The following DGKB variants were observed in gnomAD, a reference collection of about 807,000 sequenced individuals.
DGKB encodes the protein diacylglycerol kinase beta.
A neutral mutation model predicts 114.3 loss-of-function variants in DGKB; 67 were observed. The observed-to-expected ratio is 0.59, with a 90% CI of 0.48 to 0.72. DGKB has a LOEUF of 0.72. DGKB is among the 30% of genes least tolerant of loss of function. The pLI is 0.00. For missense variants in DGKB, 907 were observed against 975.2 expected, an observed-to-expected ratio of 0.93 and a Z score of 0.93; for synonymous variants, 398 against 323.1, an observed-to-expected ratio of 1.23 and a Z score of -2.49.
intron 23 of DGKB, among the ~76,000 whole-genome samples, chr7:14,225,900 A>C (rs1284698070): frequency 6.6e-6 from 1 of 151,970 alleles, no homozygotes; most frequent in African/African-American, 2.4e-5. Flanking sequence ...AGACCATTTA[A>C]TTTTATAATT....
intron 23 of DGKB, among the ~76,000 whole-genome samples, chr7:14,246,015 G>C (rs558772180): frequency 3.3e-5 from 5 of 152,272 alleles, no homozygotes; most frequent in African/African-American, 1.2e-4. Context: ...AGAATTATTT[G>C]ACAGTTATTT....
At chr7:14,340,195 C>CT (rs1811383474) in intron 22 of DGKB, among the ~76,000 whole-genome samples, 1 of 98,680 alleles carries the variant, frequency 1.0e-5, no homozygotes, top group Non-Finnish European at 2.0e-5. Context: ...GAAAGCAGTG[C>CT]TTTTTTCCTC....
intron 23 of DGKB, chr7:14,209,411 G>C (rs1370901398): frequency 2.1e-6 from 1 of 469,346 alleles, no homozygotes; most frequent in Non-Finnish European, 4.4e-6. Context: ...AAAACATTTG[G>C]ATGCCCTTTC....
At chr7:14,594,975 T>A (rs10261616) in intron 17 of DGKB, among the ~76,000 whole-genome samples, 4,056 of 152,140 alleles carry the variant, frequency 0.027, 164 homozygotes, top group African/African-American at 0.093. Flanking sequence ...AATTCTTGCC[T>A]TTGAGTATCT....
chr7:14,834,241 G>T (rs1846832487), intron 2 of DGKB, among the ~76,000 whole-genome samples: 1 of 152,082 alleles, frequency 6.6e-6, no homozygotes. Flanking sequence ...TCATTTTATA[G>T]GTAGGGATTA....
intron 21 of DGKB, among the ~76,000 whole-genome samples, chr7:14,373,226 A>G (rs1308827138): frequency 1.3e-5 from 2 of 152,172 alleles, no homozygotes; most frequent in Non-Finnish European, 2.9e-5. Context: ...TTCTTTGTGG[A>G]TTTAAGTCAT....
chr7:14,646,492 C>G (rs1325910558), intron 13 of DGKB, among the ~76,000 whole-genome samples: 1 of 152,030 alleles, frequency 6.6e-6, no homozygotes, highest in Non-Finnish European at 1.5e-5. Flanking sequence ...ACCAAATGAA[C>G]CCAATAGATA....
At chr7:14,918,740 G>C (rs1784362716) in intron 1 of DGKB, among the ~76,000 whole-genome samples, 1 of 151,998 alleles carries the variant, frequency 6.6e-6, no homozygotes, top group Admixed American at 6.6e-5. Context: ...ATTTCAGCAA[G>C]TTATTTTCAG....
chr7:14,265,599 A>G (rs1352803612), intron 23 of DGKB, among the ~76,000 whole-genome samples: 2 of 151,930 alleles, frequency 1.3e-5, no homozygotes, highest in African/African-American at 2.4e-5. Flanking sequence ...CATATATTCC[A>G]TAGTATCTCA....
chr7:14,257,250 A>G (rs898360165), intron 23 of DGKB, among the ~76,000 whole-genome samples: 3 of 152,196 alleles, frequency 2.0e-5, no homozygotes, highest in Admixed American at 6.5e-5. Flanking sequence ...AACTCATATT[A>G]GTTCTAGGCT....
At chr7:14,330,668 G>C (rs1005742961) in intron 23 of DGKB, among the ~76,000 whole-genome samples, 1 of 151,902 alleles carries the variant, frequency 6.6e-6, no homozygotes, top group Admixed American at 6.6e-5. Flanking sequence ...TCATGAAAAG[G>C]TAATTTGTAT....
intron 23 of DGKB, among the ~76,000 whole-genome samples, chr7:14,184,312 C>T (rs749496664): frequency 9.2e-5 from 14 of 152,120 alleles, no homozygotes; most frequent in Non-Finnish European, 1.5e-4. Flanking sequence ...CAGGAGAGGG[C>T]GCAAATCTGG....
chr7:14,591,235 T>G (rs924783154), intron 17 of DGKB, among the ~76,000 whole-genome samples: 1 of 152,124 alleles, frequency 6.6e-6, no homozygotes, highest in Admixed American at 6.6e-5. Context: ...GATTTCACTC[T>G]GGGGAAACTT....
intron 23 of DGKB, among the ~76,000 whole-genome samples, chr7:14,195,708 G>A (rs568380560): frequency 6.6e-6 from 1 of 152,132 alleles, no homozygotes; most frequent in African/African-American, 2.4e-5. Context: ...TAGAAACATG[G>A]TAGTACATTT....
At chr7:14,629,867 A>T (rs1809363425) in intron 14 of DGKB, among the ~76,000 whole-genome samples, 1 of 152,106 alleles carries the variant, frequency 6.6e-6, no homozygotes, top group Non-Finnish European at 1.5e-5. Flanking sequence ...TGATGGCTCA[A>T]AGAATAAATT....
intron 20 of DGKB, among the ~76,000 whole-genome samples, chr7:14,522,627 C>A (rs1209350889): frequency 1.4e-4 from 21 of 152,152 alleles, no homozygotes. Flanking sequence ...TGGATGGGAG[C>A]ATGCCCAGGA....
intron 13 of DGKB, among the ~76,000 whole-genome samples, chr7:14,652,327 G>C (rs575690776): frequency 1.3e-5 from 2 of 152,110 alleles, no homozygotes; most frequent in African/African-American, 4.8e-5. Flanking sequence ...ACAGAACAGA[G>C]CCCTCAGAAA....
intron 23 of DGKB, among the ~76,000 whole-genome samples, chr7:14,306,249 A>G (rs907914212): frequency 6.6e-6 from 1 of 152,130 alleles, no homozygotes; most frequent in African/African-American, 2.4e-5. Flanking sequence ...AACATTTTAG[A>G]AGTTAAATAG....
At chr7:14,942,647 T>C (rs954831414) in intron 1 of DGKB, among the ~76,000 whole-genome samples, 1 of 152,006 alleles carries the variant, frequency 6.6e-6, no homozygotes, top group Admixed American at 6.6e-5. Context: ...GGCTCACTTC[T>C]TTCTGTTCCC....
Sources: gnomAD v4.1 joint callset for allele counts (sites outside exome capture counted in the v4.1 genomes callset) on GRCh38, gnomAD v4.1.1 for gene constraint, MANE v1.5 for transcripts, NCBI Gene and HGNC (gene_info 2026-07-23, HGNC 2026-07-21) for gene names.